Variants in PXDNL observed in about 807,000 individuals in gnomAD.
The protein encoded by PXDNL is peroxidasin like.
A neutral mutation model predicts 150.8 loss-of-function variants in PXDNL; 145 were observed. The observed-to-expected ratio is 0.96, with a 90% CI of 0.84 to 1.10. PXDNL has a LOEUF of 1.10. Ranked by LOEUF, PXDNL falls within the 50% of genes least tolerant of loss-of-function variation. The probability of loss-of-function intolerance (pLI) is 0.00; values close to 1 mark genes in which losing one functional copy is unlikely to be tolerated. For missense variants in PXDNL, 2,087 were observed against 1,873.9 expected, an observed-to-expected ratio of 1.11 and a Z score of -2.10; for synonymous variants, 757 against 725.7, an observed-to-expected ratio of 1.04 and a Z score of -0.69.
intron 3 of PXDNL, among the ~76,000 whole-genome samples, chr8:51,580,001 A>G (rs1245856307): frequency 1.3e-5 from 2 of 150,374 alleles, no homozygotes. Context: ...AACTTAAAGT[A>G]TAATAATAAT....
chr8:51,731,614 T>C lies in PXDNL; in HGVS notation c.165-76854A>G, dbSNP rs59676626. On this transcript the variant is annotated intron_variant, in intron 1 of 22. Coordinates refer to ENST00000356297, the MANE Select transcript of PXDNL (RefSeq NM_144651.5). Reference sequence around the variant, plus strand: ...CCATTCCACATTCCCTTTTGCACTGTCCTAGCAGAGGTTCTCCATTAGGGC... The same window carrying C: ...CCATTCCACATTCCCTTTTGCACTGCCCTAGCAGAGGTTCTCCATTAGGGC... Among the ~76,000 whole-genome samples the C allele has an allele frequency of 3.6e-3, 549 of 152,362 alleles. 5 individuals carry two copies. The highest frequency in any genetic ancestry group is 0.013 in the African/African-American group (521 of 41,594).
chr8:51,654,406 A>C (rs1485296862), intron 2 of PXDNL, among the ~76,000 whole-genome samples: 1 of 152,192 alleles, frequency 6.6e-6, no homozygotes, highest in African/African-American at 2.4e-5. Context: ...ACTCATAGAC[A>C]AGTTACTTAA....
At chr8:51,754,720 G>C in intron 1 of PXDNL, among the ~76,000 whole-genome samples, 1 of 152,064 alleles carries the variant, frequency 6.6e-6, no homozygotes, top group East Asian at 1.9e-4. Flanking sequence ...AGGTAGGATG[G>C]TCTCGATCTC....
In PXDNL at chr8:51,372,075, C is replaced by T; in HGVS notation, c.3699G>A (p.Trp1233Ter). Residue 1233 changes from tryptophan (W) to a stop codon, truncating the protein, a stop_gained, in exon 19 of 23, where the codon TGG becomes TGA. Transcript: ENST00000356297. LOFTEE classifies it high-confidence loss of function. ...GGGTAAATACTCCAGGGTTTTCATA[C>T]CAGAACCTGGTAGTCAACCAAAAAA... ...FQRLRDGDRF[W>*]YENPGVFTPA... 1 of 1,573,576 alleles carries T rather than the reference C, an allele frequency of 6.4e-7. No homozygotes were observed.
At chr8:51,469,827 T>C (rs1810284534) in intron 8 of PXDNL, among the ~76,000 whole-genome samples, 2 of 152,136 alleles carry the variant, frequency 1.3e-5, no homozygotes, top group African/African-American at 4.8e-5. Context: ...TAGTTACTCA[T>C]GTTAAACATT....
chr8:51,808,103 C>G (rs1293656203), intron 1 of PXDNL, among the ~76,000 whole-genome samples: 1 of 152,162 alleles, frequency 6.6e-6, no homozygotes, highest in Admixed American at 6.5e-5. Flanking sequence ...TCAAATTGGA[C>G]TTTTTATTAC....
chr8:51,670,020 T>C (rs1301781817), intron 1 of PXDNL, among the ~76,000 whole-genome samples: 1 of 152,160 alleles, frequency 6.6e-6, no homozygotes, highest in Admixed American at 6.5e-5. Flanking sequence ...GCAGATCACT[T>C]GAGGTCAAGA....
chr8:51,712,071 G>T (rs147383040), intron 1 of PXDNL, among the ~76,000 whole-genome samples: 2 of 152,312 alleles, frequency 1.3e-5, no homozygotes, highest in African/African-American at 4.8e-5. Context: ...ATGCAACAAT[G>T]TATAAGAAAC....
intron 4 of PXDNL, among the ~76,000 whole-genome samples, chr8:51,544,299 T>C (rs10097233): frequency 0.2 from 29,764 of 152,016 alleles, 3,570 homozygotes; most frequent in African/African-American, 0.32. Flanking sequence ...ATGGTGCAGG[T>C]AGGTGGGGAG....
intron 6 of PXDNL, among the ~76,000 whole-genome samples, chr8:51,475,630 G>C (rs1169657141): frequency 6.6e-6 from 1 of 152,072 alleles, no homozygotes; most frequent in African/African-American, 2.4e-5. Context: ...TTTCTTTATA[G>C]TTTCAACTTT....
intron 1 of PXDNL, among the ~76,000 whole-genome samples, chr8:51,714,479 T>C (rs566356731): frequency 1.3e-5 from 2 of 152,326 alleles, no homozygotes; most frequent in East Asian, 1.9e-4. Flanking sequence ...TATTTTCTTT[T>C]TTTAATGGCT....
rs1808564115 is a variant in PXDNL at position 51,409,513 on chromosome 8, G to A, written c.2111C>T (p.Ala704Val). 4 of 1,610,292 alleles carry A rather than the reference G, an allele frequency of 2.5e-6. No individual in the cohort carries two copies. The highest frequency in any genetic ancestry group is 1.6e-4 in the Middle Eastern group (1 of 6,066). The change falls in exon 17 of 23, where the codon GCC (alanine) becomes GTC (valine). Residue 704 changes from alanine to valine, a missense_variant. Physicochemically the swap from Ala to Val is moderately conservative, Grantham distance 64. Coordinates refer to ENST00000356297, the MANE Select transcript of PXDNL (RefSeq NM_144651.5). ...GCGAGCTGTGCATCCAGATAAATTG[G>A]CGATGAGGCTGAGGGAGCGCGGGGA... The part of the protein sequence containing the change: ...LVSPRSLSLI[A>V]NLSGCTARRP...
At chr8:51,378,428 T>C (rs570491562) in intron 17 of PXDNL, among the ~76,000 whole-genome samples, 2 of 152,320 alleles carry the variant, frequency 1.3e-5, no homozygotes, top group East Asian at 3.9e-4. Context: ...TCAGGGATTG[T>C]AAACTCACCA....
Position 51,488,333 on chromosome 8 carries a change from C to T in PXDNL, c.453-4619G>A, listed in dbSNP as rs548542215. Among the ~76,000 whole-genome samples the T allele has an allele frequency of 1.5e-3, 223 of 152,186 alleles. 4 individuals carry two copies. The highest frequency in any genetic ancestry group is 5.1e-3 in the African/African-American group (211 of 41,530). ...AGGCAGGAGCAATCTGACTGTGTGT[C>T]GCCCAGAGACCCCAAACAGTTACGG... On this transcript the variant is annotated intron_variant, in intron 5 of 22. Transcript: ENST00000356297.
At chr8:51,341,394 T>G (rs1805980659) in intron 20 of PXDNL, among the ~76,000 whole-genome samples, 1 of 152,184 alleles carries the variant, frequency 6.6e-6, no homozygotes, top group Admixed American at 6.5e-5. Context: ...ATTCACCACC[T>G]CCAAAAATTT....
In PXDNL at chr8:51,628,398, T is replaced by TA. The variant is rs1254113146; in HGVS notation, c.236+26290_236+26291insT. 1.1e-4 allele frequency among the ~76,000 whole-genome samples: 12 copies of TA among 107,578 alleles called. No homozygotes were observed. The East Asian group carries it at 1.2e-3, about 11-fold the overall frequency. 70.6% of individuals were successfully genotyped at this position (107,578 alleles called of 152,430 possible). On this transcript the variant is annotated intron_variant, in intron 2 of 22. Transcript: ENST00000356297. ...CATCTCTCTCTGTTTTCTTTTCTTT[T>TA]CTTTTTTTTTTTTTTTTTTTTTTTG...
intron 2 of PXDNL, among the ~76,000 whole-genome samples, chr8:51,637,829 C>A (rs546118985): frequency 3.7e-4 from 57 of 152,220 alleles, no homozygotes; most frequent in African/African-American, 1.3e-3. Context: ...GGCCAACATT[C>A]AAATTCAGGA....
intron 1 of PXDNL, among the ~76,000 whole-genome samples, chr8:51,655,105 G>C (rs2130802514): frequency 1.3e-5 from 2 of 152,244 alleles, no homozygotes; most frequent in Middle Eastern, 6.8e-3. Flanking sequence ...TGTCAGTTGA[G>C]TACATTTAGT....
chr8:51,574,532 C>T (rs1813010632), intron 3 of PXDNL, among the ~76,000 whole-genome samples: 1 of 151,780 alleles, frequency 6.6e-6, no homozygotes, highest in South Asian at 2.1e-4. Flanking sequence ...TGAAAACTTC[C>T]AATTTTGGCC....
Sources: allele counts gnomAD v4.1 joint callset (sites outside exome capture counted in the v4.1 genomes callset), GRCh38; gene constraint gnomAD v4.1.1; transcripts MANE v1.5; gene names NCBI Gene and HGNC (gene_info 2026-07-23, HGNC 2026-07-21).